GALNT17: variants seen among roughly 807,000 people sequenced by gnomAD.
GALNT17 encodes the protein polypeptide N-acetylgalactosaminyltransferase 17.
Under a neutral mutation model 63.7 loss-of-function variants are expected in GALNT17, and 29 were observed. The observed-to-expected ratio is 0.46, with a 90% confidence interval of 0.34 to 0.62. GALNT17 has a LOEUF of 0.62. Among genes scored for constraint, GALNT17 ranks in the 20% least tolerant of loss-of-function variants. GALNT17 has a pLI of 0.01. For synonymous variants in GALNT17, 305 were observed against 318.3 expected, an observed-to-expected ratio of 0.96 and a Z score of 0.45; for missense variants, 603 against 799.6, an observed-to-expected ratio of 0.75 and a Z score of 2.97.
chr7:71,149,319 T>C (rs531981143), intron 1 of GALNT17, among the ~76,000 whole-genome samples: 1 of 152,262 alleles, frequency 6.6e-6, no homozygotes, highest in Admixed American at 6.5e-5. Flanking sequence ...CTGTTTTACA[T>C]GTGAGGAAGA....
chr7:71,304,187 C>T (rs916283034), intron 1 of GALNT17, among the ~76,000 whole-genome samples: 1 of 152,206 alleles, frequency 6.6e-6, no homozygotes, highest in Non-Finnish European at 1.5e-5. Flanking sequence ...AGAGAATGAG[C>T]AGTCTTCATT....
At chr7:71,684,552 G>T (rs950870249) in intron 9 of GALNT17, among the ~76,000 whole-genome samples, 6 of 152,180 alleles carry the variant, frequency 3.9e-5, no homozygotes, top group African/African-American at 1.4e-4. Context: ...TCAGGGCTGG[G>T]CTGTGTTAAA....
chr7:71,389,907 T>C (rs1793018825), intron 3 of GALNT17, among the ~76,000 whole-genome samples: 1 of 152,168 alleles, frequency 6.6e-6, no homozygotes, highest in Non-Finnish European at 1.5e-5. Flanking sequence ...AAATATTGCA[T>C]GTCAATAACA....
intron 1 of GALNT17, among the ~76,000 whole-genome samples, chr7:71,196,066 C>G (rs547071912): frequency 6.6e-6 from 1 of 152,152 alleles, no homozygotes. Flanking sequence ...GAAGCTTGCA[C>G]GCAGTCTCCT....
intron 1 of GALNT17, among the ~76,000 whole-genome samples, chr7:71,162,135 T>TCCCTC (rs1562875749): frequency 4.1e-5 from 5 of 122,368 alleles, no homozygotes; most frequent in African/African-American, 1.6e-4. Context: ...CTTCCTTCCT[T>TCCCTC]CCTTCCTTCC....
intron 6 of GALNT17, among the ~76,000 whole-genome samples, chr7:71,601,156 C>A (rs948413531): frequency 6.6e-6 from 1 of 151,730 alleles, no homozygotes; most frequent in Non-Finnish European, 1.5e-5. Context: ...ATATATATAT[C>A]TACCACAGTT....
At chr7:71,534,139 C>G (rs913436307) in intron 5 of GALNT17, among the ~76,000 whole-genome samples, 6 of 152,134 alleles carry the variant, frequency 3.9e-5, no homozygotes, top group South Asian at 2.1e-4. Flanking sequence ...ATACTCAAGA[C>G]TGGGTAATTT....
intron 6 of GALNT17, among the ~76,000 whole-genome samples, chr7:71,593,543 C>T (rs886148611): frequency 1.3e-5 from 2 of 152,142 alleles, no homozygotes; most frequent in Non-Finnish European, 2.9e-5. Context: ...GGATTACAGG[C>T]GTGAGCCACC....
intron 2 of GALNT17, among the ~76,000 whole-genome samples, chr7:71,349,263 G>A (rs1224664204): frequency 6.6e-6 from 1 of 152,188 alleles, no homozygotes; most frequent in Non-Finnish European, 1.5e-5. Flanking sequence ...GCTTGTAAGA[G>A]CTGGGGTTAT....
intron 1 of GALNT17, among the ~76,000 whole-genome samples, chr7:71,255,899 A>G (rs1178578111): frequency 6.6e-6 from 1 of 152,206 alleles, no homozygotes; most frequent in African/African-American, 2.4e-5. Flanking sequence ...GGCAATCCCA[A>G]GTTAACCTGA....
chr7:71,438,380 G>T (rs1787004981), intron 5 of GALNT17, among the ~76,000 whole-genome samples: 2 of 152,142 alleles, frequency 1.3e-5, no homozygotes. Context: ...TAGCCATGCT[G>T]GTTAGTGCCC....
chr7:71,636,163 A>T (rs1409290293), intron 6 of GALNT17, among the ~76,000 whole-genome samples: 1 of 152,148 alleles, frequency 6.6e-6, no homozygotes, highest in Non-Finnish European at 1.5e-5. Flanking sequence ...TATCTTTTCT[A>T]TGTATTGGGT....
intron 5 of GALNT17, among the ~76,000 whole-genome samples, chr7:71,549,884 G>A (rs938975681): frequency 6.6e-6 from 1 of 151,786 alleles, no homozygotes; most frequent in Non-Finnish European, 1.5e-5. Context: ...AAAGCATCCA[G>A]AGAAAGCGTG....
intron 5 of GALNT17, among the ~76,000 whole-genome samples, chr7:71,450,470 C>T (rs536750826): frequency 2.6e-5 from 4 of 152,102 alleles, no homozygotes; most frequent in Admixed American, 6.6e-5. Flanking sequence ...TAGTGGAACT[C>T]GTGTACTTTT....
rs543962900 is a variant in GALNT17, at chr7:71,167,695, A to T, written c.238+34655A>T. 3.0e-3 allele frequency among the ~76,000 whole-genome samples: 459 copies of T among 151,740 alleles called. 4 individuals are homozygous for T. The highest frequency in any genetic ancestry group is 0.01 in the African/African-American group (430 of 41,410). On this transcript the variant is annotated intron_variant, in intron 1 of 10. Coordinates refer to ENST00000333538, the MANE Select transcript of GALNT17 (RefSeq NM_022479.3). The stretch of plus-strand genomic sequence containing the variant: ...GTGTTATTTTATGTTTTGTTTTATT[A>T]TTTTTTTTGAGATGGAGTCTCACTC...
chr7:71,640,053 C>A (rs1376227441), intron 6 of GALNT17, among the ~76,000 whole-genome samples: 1 of 152,092 alleles, frequency 6.6e-6, no homozygotes, highest in Non-Finnish European at 1.5e-5. Context: ...TATCAGGATG[C>A]CGACAAAATG....
chr7:71,422,391 C>G (rs1227612669), intron 5 of GALNT17, among the ~76,000 whole-genome samples: 1 of 152,224 alleles, frequency 6.6e-6, no homozygotes, highest in Non-Finnish European at 1.5e-5. Context: ...TCTTGAGATC[C>G]TTAACTTAAC....
At chr7:71,226,213 T>C (rs1789677483) in intron 1 of GALNT17, among the ~76,000 whole-genome samples, 1 of 152,188 alleles carries the variant, frequency 6.6e-6, no homozygotes, top group African/African-American at 2.4e-5. Context: ...ATGAATGAAG[T>C]GAGTAGGGCG....
intron 1 of GALNT17, among the ~76,000 whole-genome samples, chr7:71,163,755 A>G (rs1426500793): frequency 1.3e-5 from 2 of 152,236 alleles, no homozygotes; most frequent in Non-Finnish European, 2.9e-5. Context: ...GATAGAGGCC[A>G]GATAGTAAAT....
Sources: gnomAD v4.1 joint callset for allele counts (sites outside exome capture counted in the v4.1 genomes callset) on GRCh38, gnomAD v4.1.1 for gene constraint, MANE v1.5 for transcripts, NCBI Gene and HGNC (gene_info 2026-07-23, HGNC 2026-07-21) for gene names.